The following MATN2 variants were observed in gnomAD, a reference collection of about 807,000 sequenced individuals.
MATN2 encodes matrilin 2.
In MATN2, 69 loss-of-function variants were observed where a neutral mutation model predicts 103.2. The observed-to-expected ratio is 0.67, with a 90% CI of 0.55 to 0.82. MATN2 has a LOEUF of 0.82. Among genes scored for constraint, MATN2 ranks in the 40% least tolerant of loss-of-function variants. MATN2 has a pLI of 0.00. For synonymous variants in MATN2, 429 were observed against 450.2 expected (o/e 0.95, Z 0.60); for missense variants, 1,023 against 1,211.5 (o/e 0.84, Z 2.31).
chr8:97,889,799 G>T (rs1586380732), intron 2 of MATN2, among the ~76,000 whole-genome samples: 1 of 151,906 alleles, frequency 6.6e-6, no homozygotes, highest in South Asian at 2.1e-4. Flanking sequence ...TTCTGATGGG[G>T]CTGGTCTCAG....
intron 1 of MATN2, among the ~76,000 whole-genome samples, chr8:97,879,800 A>G (rs1443306935): frequency 6.6e-6 from 1 of 152,218 alleles, no homozygotes; most frequent in Non-Finnish European, 1.5e-5. Flanking sequence ...AGACAGCATC[A>G]GGTCAACATC....
intron 18 of MATN2, 172 bp downstream of exon 18, chr8:98,033,831 G>A: frequency 1.8e-6 from 1 of 560,066 alleles, no homozygotes; most frequent in Non-Finnish European, 3.2e-6. Context: ...TGTTTGAGAG[G>A]CAAGGGCAAG....
chr8:97,914,537 C>CT (rs370756107), intron 2 of MATN2, among the ~76,000 whole-genome samples: 43 of 144,440 alleles, frequency 3.0e-4, no homozygotes, highest in South Asian at 4.4e-4. Flanking sequence ...CACCCGGCTA[C>CT]TTTTTTTTTT....
At chr8:97,980,933 T>G (rs1411970736) in intron 6 of MATN2, among the ~76,000 whole-genome samples, 1 of 152,094 alleles carries the variant, frequency 6.6e-6, no homozygotes, top group East Asian at 1.9e-4. Flanking sequence ...TCCCAGCACT[T>G]TGGGAAGAGA....
chr8:97,933,393 T>C (rs1343583738), intron 3 of MATN2, among the ~76,000 whole-genome samples: 2 of 152,248 alleles, frequency 1.3e-5, no homozygotes, highest in Non-Finnish European at 2.9e-5. Context: ...GTAACCATTT[T>C]GACAGCTTAT....
chr8:97,965,508 G>A (rs1204990183), intron 5 of MATN2, among the ~76,000 whole-genome samples: 1 of 152,248 alleles, frequency 6.6e-6, no homozygotes, highest in East Asian at 1.9e-4. Context: ...ATGAAAGAAG[G>A]TGCTGTACAT....
chr8:97,999,568 GC>G (rs1812711925), intron 7 of MATN2, among the ~76,000 whole-genome samples: 1 of 152,176 alleles, frequency 6.6e-6, no homozygotes, highest in Non-Finnish European at 1.5e-5. Flanking sequence ...AAAGCTCTTG[GC>G]TTGTTTCCTG....
chr8:97,906,987 C>G (rs1350028981), intron 2 of MATN2, among the ~76,000 whole-genome samples: 2 of 150,936 alleles, frequency 1.3e-5, no homozygotes, highest in East Asian at 3.9e-4. Context: ...TTTAAAATAA[C>G]CATAGCTGAC....
At chr8:97,974,046 C>T (rs568345630) in intron 5 of MATN2, among the ~76,000 whole-genome samples, 2 of 152,274 alleles carry the variant, frequency 1.3e-5, no homozygotes, top group African/African-American at 4.8e-5. Flanking sequence ...TTTTGGTTAG[C>T]AAATTGCTTT....
rs193105943 is a variant in MATN2, at chr8:97,932,213, C to T, written c.712+691C>T. ...GTTTTTCTTCAGCACATGGAGCTGC[C>T]CTGGAATTCCCTAAGTTGGAATTCA... On this transcript the variant is annotated intron_variant, in intron 3 of 18. Transcript: ENST00000254898. 1.4e-4 allele frequency among the ~76,000 whole-genome samples: 22 copies of T among 152,178 alleles called. 1 individual carries two copies. The highest frequency in any genetic ancestry group is 1.2e-3 in the Admixed American group (19 of 15,292).
intron 14 of MATN2, among the ~76,000 whole-genome samples, chr8:98,029,352 G>A (rs1813921976): frequency 6.6e-6 from 1 of 152,178 alleles, no homozygotes; most frequent in Non-Finnish European, 1.5e-5. Context: ...AAGCATCTTA[G>A]TCTCCAGAGA....
rs375784459 is a variant in MATN2 at position 97,888,220 on chromosome 8, C to T, written c.120C>T (p.Thr40=). 77 of 1,574,668 alleles carry T rather than the reference C, an allele frequency of 4.9e-5. No individual in the cohort carries two copies. The highest frequency in any genetic ancestry group is 6.0e-5 in the Non-Finnish European group (69 of 1,158,936). The change falls in exon 2 of 19, where the codon ACC becomes ACT. Residue 40 remains threonine, a synonymous_variant. Coordinates refer to ENST00000254898, the MANE Select transcript of MATN2 (RefSeq NM_002380.5). ...RSISRGRHAR[T]HPQTALLESS... ...TCTCTAGGGGCAGACACGCTCGGAC[C>T]CACCCGCAGACGGCCCTTCTGGGTG...
intron 12 of MATN2, among the ~76,000 whole-genome samples, chr8:98,019,670 GGA>G (rs1813511550): frequency 6.6e-6 from 1 of 152,194 alleles, no homozygotes; most frequent in South Asian, 2.1e-4. Context: ...GTGGGCATTA[GGA>G]GAGTACAGAG....
chr8:98,034,461 A>G (rs569903371), intron 18 of MATN2, among the ~76,000 whole-genome samples: 2 of 152,352 alleles, frequency 1.3e-5, no homozygotes, highest in East Asian at 3.9e-4. Flanking sequence ...ATAAGGAACA[A>G]CAGCATAGGG....
intron 2 of MATN2, among the ~76,000 whole-genome samples, chr8:97,893,266 G>A (rs962823057): frequency 6.6e-6 from 1 of 152,094 alleles, no homozygotes; most frequent in African/African-American, 2.4e-5. Context: ...AGGTAGAGTC[G>A]GAGAATCTGA....
chr8:97,912,287 A>G (rs1809473633), intron 2 of MATN2, among the ~76,000 whole-genome samples: 1 of 152,208 alleles, frequency 6.6e-6, no homozygotes. Context: ...AAGAAAGACT[A>G]TTTGCAGAAG....
chr8:97,905,687 G>A (rs1427932817), intron 2 of MATN2, among the ~76,000 whole-genome samples: 2 of 151,934 alleles, frequency 1.3e-5, no homozygotes, highest in African/African-American at 4.8e-5. Context: ...TTTGAGACAG[G>A]GTCTTATTCC....
chr8:97,968,361 G>C (rs1811550030), intron 5 of MATN2, among the ~76,000 whole-genome samples: 1 of 152,216 alleles, frequency 6.6e-6, no homozygotes, highest in South Asian at 2.1e-4. Context: ...TTGCTCCACA[G>C]CCTGCTTGTA....
intron 11 of MATN2, 24 bp from the exon 12 acceptor site, chr8:98,017,970 T>C: frequency 2.5e-6 from 4 of 1,611,716 alleles, no homozygotes; most frequent in Non-Finnish European, 3.4e-6. Context: ...TTGAAATTGT[T>C]GTAACTTGCT....
Sources: gnomAD v4.1 joint callset for allele counts (sites outside exome capture counted in the v4.1 genomes callset) on GRCh38, gnomAD v4.1.1 for gene constraint, MANE v1.5 for transcripts, NCBI Gene and HGNC (gene_info 2026-07-23, HGNC 2026-07-21) for gene names.